OR4K1: variants seen among roughly 807,000 people sequenced by gnomAD.
OR4K1 encodes the protein olfactory receptor 4K1.
In OR4K1, 16 loss-of-function variants were observed where a neutral mutation model predicts 14.4. That is an observed-to-expected ratio of 1.11 (90% CI 0.75 to 1.68). The LOEUF is 1.68. OR4K1 is among the 40% of genes most tolerant of loss of function. The pLI is 0.00. For synonymous variants in OR4K1, 181 were observed against 133.1 expected (o/e 1.36, Z -2.48); for missense variants, 548 against 376.9 (o/e 1.45, Z -3.76).
Position 19,936,240 on chromosome 14 carries a change from A to G in OR4K1, c.574A>G (p.Thr192Ala). Residue 192 changes from threonine to alanine, a missense_variant, in exon 2 of 2, where the codon ACA becomes GCA. Thr to Ala is a moderately conservative substitution (Grantham distance 58). Transcript: ENST00000641172. Reference sequence around the variant, plus strand: ...GGTGATAGAGCTGGCTTGCATGGATACATATGAAATGGAAATTATGACCCT... The same window carrying G: ...GGTGATAGAGCTGGCTTGCATGGATGCATATGAAATGGAAATTATGACCCT... Reference protein sequence around the residue: ...PLVIELACMDTYEMEIMTLTN... With the variant: ...PLVIELACMDAYEMEIMTLTN... The G allele has an allele frequency of 1.2e-6, 2 of 1,614,216 alleles. No individual in the cohort carries two copies. Among genetic ancestry groups the G allele is most frequent in the African/African-American group, 1.3e-5 (1 of 75,066 alleles).
the OR4K1 span, among the ~76,000 whole-genome samples, chr14:19,923,075 G>T: frequency 3.5e-3 from 539 of 152,218 alleles, 2 homozygotes; most frequent in African/African-American, 0.012. Flanking sequence ...TCATCGCTTT[G>T]TAACTCATTT....
At chr14:19,921,703 A>G in the OR4K1 span, 33 of 1,061,972 alleles carry the variant, frequency 3.1e-5, no homozygotes, top group Middle Eastern at 2.8e-4. Flanking sequence ...AATGAATATT[A>G]ACAAGTCTTT....
Position 19,936,625 on chromosome 14 carries a change from T to A in OR4K1, c.*23T>A, listed in dbSNP as rs373594766. Reference sequence around the variant, plus strand: ...TAGGGATCATTACGAAGGAGCATAATCCTGAATTAGAATGAAGACCCTCCA... The same window carrying A: ...TAGGGATCATTACGAAGGAGCATAAACCTGAATTAGAATGAAGACCCTCCA... On this transcript the variant is annotated 3_prime_UTR_variant, in exon 2 of 2. Transcript: ENST00000641172. 2.9e-5 allele frequency: 45 copies of A among 1,560,366 alleles called. No individual in the cohort carries two copies. In the East Asian group the frequency reaches 5.2e-4, roughly 18 times the overall value.
chr14:19,925,735 T>C, the OR4K1 span, among the ~76,000 whole-genome samples: 1 of 152,260 alleles, frequency 6.6e-6, no homozygotes. Context: ...TGCCTCAGAC[T>C]TTACAGAGAG....
Position 19,935,714 on chromosome 14 carries a change from A to T in OR4K1, c.48A>T (p.Gly16=), listed in dbSNP as rs1177155928. 1 of 1,612,140 alleles carries T rather than the reference A, an allele frequency of 6.2e-7. No individual in the cohort carries two copies. Among genetic ancestry groups the T allele is most frequent in the Non-Finnish European group, 8.5e-7 (1 of 1,179,586 alleles). ...TGGTGTCTGAGTTTGTACTTTTGGG[A>T]CTCTCTAATTCCTGGGGACTTCAAC... ...ESMVSEFVLL[G]LSNSWGLQLF... Residue 16 remains glycine, a synonymous_variant, in exon 2 of 2, where the codon GGA becomes GGT. Coordinates refer to ENST00000641172, the MANE Select transcript of OR4K1 (RefSeq NM_001004063.3).
At chr14:19,932,008 C>A (rs1472272170) in intron 1 of OR4K1, among the ~76,000 whole-genome samples, 1 of 152,178 alleles carries the variant, frequency 6.6e-6, no homozygotes, top group Non-Finnish European at 1.5e-5. Flanking sequence ...TATTGGGTAA[C>A]TACCTTAATT....
the OR4K1 span, chr14:19,921,323 G>A: frequency 5.6e-5 from 90 of 1,613,962 alleles, no homozygotes; most frequent in African/African-American, 8.0e-5. Context: ...CATTTTCTAC[G>A]CTGGCTTCCC....
chr14:19,924,649 G>C, the OR4K1 span, among the ~76,000 whole-genome samples: 1 of 152,158 alleles, frequency 6.6e-6, no homozygotes, highest in Non-Finnish European at 1.5e-5. Context: ...ATTCCTCAAA[G>C]ATCTAGAGCC....
chr14:19,928,718 C>G (rs1882115711), upstream of OR4K1, among the ~76,000 whole-genome samples: 1 of 152,150 alleles, frequency 6.6e-6, no homozygotes, highest in Non-Finnish European at 1.5e-5. Context: ...CCCCAAATTA[C>G]TCCAAATTAT....
At chr14:19,934,303 G>A (rs1448237263) in intron 1 of OR4K1, among the ~76,000 whole-genome samples, 1 of 152,342 alleles carries the variant, frequency 6.6e-6, no homozygotes, top group East Asian at 1.9e-4. Flanking sequence ...ACATTTAAGA[G>A]CAAATTTACT....
the OR4K1 span, among the ~76,000 whole-genome samples, chr14:19,925,279 T>C: frequency 1.3e-5 from 2 of 152,214 alleles, no homozygotes; most frequent in Non-Finnish European, 2.9e-5. Context: ...ATTTTTGACA[T>C]TGAACAGATT....
At chr14:19,935,545 T>C (rs980750542) in intron 1 of OR4K1, 103 bp from the exon 2 acceptor site, 11 of 917,738 alleles carry the variant, frequency 1.2e-5, no homozygotes, top group Non-Finnish European at 1.8e-5. Context: ...CTAATTAAAT[T>C]GACTATTTCT....
upstream of OR4K1, among the ~76,000 whole-genome samples, chr14:19,929,415 G>GGA (rs1322989741): frequency 1.4e-3 from 198 of 144,472 alleles, 1 homozygote; most frequent in African/African-American, 4.6e-3. Flanking sequence ...GCGTATGGGG[G>GGA]GAGAGAGAGA....
At chr14:19,921,503 G>A in the OR4K1 span, 1 of 1,614,006 alleles carries the variant, frequency 6.2e-7, no homozygotes, top group Admixed American at 1.7e-5. Flanking sequence ...CTGCCGTAAG[G>A]AAAATTGTGA....
chr14:19,935,067 C>T (rs1882274318), intron 1 of OR4K1, among the ~76,000 whole-genome samples: 1 of 152,362 alleles, frequency 6.6e-6, no homozygotes, highest in East Asian at 1.9e-4. Flanking sequence ...CGATTTGCTC[C>T]TGATCTACCA....
the OR4K1 span, chr14:19,920,739 A>G: frequency 6.2e-7 from 1 of 1,614,072 alleles, no homozygotes; most frequent in Admixed American, 1.7e-5. Flanking sequence ...AAATCTTCTC[A>G]TTATCCTCAC....
the OR4K1 span, chr14:19,920,945 G>A: frequency 6.2e-7 from 1 of 1,614,132 alleles, no homozygotes. Context: ...GGGAGATGGT[G>A]CTACTTGTTT....
chr14:19,929,359 CTGTGTGTGTGTGTGTGTGTGTG>C (rs59130422), upstream of OR4K1, among the ~76,000 whole-genome samples: 1,446 of 144,364 alleles, frequency 0.01, 18 homozygotes, highest in African/African-American at 0.035. Flanking sequence ...ATATCACACT[CTGTGTGTGTGTGTGTGTGTGTG>C]TGTGTGTGTG....
At chr14:19,928,228 T>A (rs149311232), upstream of OR4K1, among the ~76,000 whole-genome samples, 5 of 152,366 alleles carry the variant, frequency 3.3e-5, no homozygotes, top group African/African-American at 1.2e-4. Flanking sequence ...GATCCACTTA[T>A]GGATTTTGTG....
Sources: gnomAD v4.1 joint callset for allele counts (sites outside exome capture counted in the v4.1 genomes callset) on GRCh38, gnomAD v4.1.1 for gene constraint, MANE v1.5 for transcripts, NCBI Gene and HGNC (gene_info 2026-07-23, HGNC 2026-07-21) for gene names.